The following PRND variants were observed in gnomAD, a reference collection of about 807,000 sequenced individuals.
The protein encoded by PRND is prion-like protein doppel.
For synonymous variants in PRND, 94 were observed against 93.2 expected (o/e 1.01, Z -0.05); for missense variants, 227 against 223.3 (o/e 1.02, Z -0.11).
chr20:4,722,692 G>T (rs577225169), intron 1 of PRND, among the ~76,000 whole-genome samples: 2 of 152,000 alleles, frequency 1.3e-5, no homozygotes, highest in African/African-American at 4.8e-5. Context: ...TGTGAGGGGC[G>T]AAACAAGCTC....
rs1282698588 is a variant in PRND, at chr20:4,727,556, C to G, written c.*2474C>G. On this transcript the variant is annotated 3_prime_UTR_variant, in exon 2 of 2. Coordinates refer to ENST00000305817, the MANE Select transcript of PRND (RefSeq NM_012409.4). ...TTTCGTAGCCCCTGCTAAGTGTTGA[C>G]TTTTTAAAATATAAGTTTATTGTAA... is the stretch of plus-strand genomic sequence containing the variant. The G allele has an allele frequency of 6.0e-6, 1 of 167,012 alleles. No homozygotes were observed. The highest frequency in any genetic ancestry group is 2.4e-5 in the African/African-American group (1 of 41,414). 10.3% of individuals were successfully genotyped at this position (167,012 alleles called of 1,614,324 possible). A position where few individuals can be genotyped will look rare whatever the true frequency, so the allele number is the denominator to read the frequency against.
At position 4,724,666 on chromosome 20, in the gene PRND, G is replaced by A; in HGVS notation, c.115G>A (p.Ala39Thr). 1 of 1,614,206 alleles carries A rather than the reference G, an allele frequency of 6.2e-7. No individual in the cohort carries two copies. The highest frequency in any genetic ancestry group is 8.5e-7 in the Non-Finnish European group (1 of 1,180,048). The change falls in exon 2 of 2, where the codon GCC (alanine) becomes ACC (threonine). Residue 39 changes from alanine (A) to threonine (T), a missense_variant. Ala to Thr is a moderately conservative substitution (Grantham distance 58). Coordinates refer to ENST00000305817, the MANE Select transcript of PRND (RefSeq NM_012409.4). This position sits in a 1 kb window ranked among gnomAD's most constrained non-coding sequence, Gnocchi z 4.8. Reference protein sequence around the residue: ...IKHRIKWNRKALPSTAQITEA... With the variant: ...IKHRIKWNRKTLPSTAQITEA... ...GCACAGAATCAAGTGGAACCGGAAG[G>A]CCCTGCCCAGCACTGCCCAGATCAC...
Position 4,725,219 on chromosome 20 carries a change from T to C in PRND, c.*137T>C, listed in dbSNP as rs2756262. On this transcript the variant is annotated 3_prime_UTR_variant, in exon 2 of 2. Transcript: ENST00000305817. ...TGCACTCGCACTGCAAATGCCGCTC[T>C]CACGTATGCGCCCTGGTATGTGCCT... 0.5 allele frequency: 534,777 copies of C among 1,078,974 alleles called. 135,070 individuals carry two copies. The highest frequency in any genetic ancestry group is 0.66 in the African/African-American group (40,909 of 62,174). The allele number at this position is 1,078,974 out of a possible 1,614,324, so 66.8% of individuals were successfully genotyped here. A position where few individuals can be genotyped will look rare whatever the true frequency, so the allele number is the denominator to read the frequency against.
Position 4,724,653 on chromosome 20 carries a change from G to A in PRND, c.102G>A (p.Lys34=), listed in dbSNP as rs779000126. The A allele has an allele frequency of 7.4e-6, 12 of 1,614,084 alleles. No individual in the cohort carries two copies. The African/African-American group carries it at 1.3e-4, about 18-fold the overall frequency. Residue 34 remains lysine, a synonymous_variant, in exon 2 of 2, where the codon AAG becomes AAA. Transcript: ENST00000305817. This position sits in a 1 kb window ranked among gnomAD's most constrained non-coding sequence, Gnocchi z 4.8. ...CGAGGGGCATCAAGCACAGAATCAAGTGGAACCGGAAGGCCCTGCCCAGCA... is the reference window on the plus strand; with the variant it reads ...CGAGGGGCATCAAGCACAGAATCAAATGGAACCGGAAGGCCCTGCCCAGCA... The part of the protein sequence containing the change: ...VQTRGIKHRI[K]WNRKALPSTA...
In PRND at chr20:4,724,464, TCTCCTG is replaced by T; in HGVS notation, c.-11-75_-11-70del. On this transcript the variant is annotated intron_variant, in intron 1 of 1. Transcript: ENST00000305817. The surrounding 1 kb of genome is among the most constrained non-coding windows in gnomAD (Gnocchi z 4.8). ...CAAGGATGCGATTCCTTCCTTAAAA[TCTCCTG>T]CACTTGGGAGGGGGCAGGGGAGCCC... 6.4e-7 allele frequency: 1 copy of T among 1,551,748 alleles called. No individual in the cohort carries two copies.
In PRND at chr20:4,728,388, G is replaced by A. The variant is rs1042177705; in HGVS notation, c.*3306G>A. 3.6e-5 allele frequency: 6 copies of A among 167,014 alleles called. No individual in the cohort carries two copies. Among genetic ancestry groups the A allele is most frequent in the Non-Finnish European group, 8.8e-5 (6 of 68,110 alleles). 10.3% of individuals were successfully genotyped at this position (167,014 alleles called of 1,614,324 possible). On this transcript the variant is annotated 3_prime_UTR_variant, in exon 2 of 2. Transcript: ENST00000305817. Reference sequence around the variant, plus strand: ...ATGTATCATGATTGATTGAATCATTGCCTTGTTGATGGGCCTTCAGATTAT... The same window carrying A: ...ATGTATCATGATTGATTGAATCATTACCTTGTTGATGGGCCTTCAGATTAT...
chr20:4,726,626 C>G lies in PRND; in HGVS notation c.*1544C>G, dbSNP rs1245984493. The G allele has an allele frequency of 6.0e-6, 1 of 167,088 alleles. No individual in the cohort carries two copies. The highest frequency in any genetic ancestry group is 2.4e-5 in the African/African-American group (1 of 41,444). The allele number at this position is 167,088 out of a possible 1,614,324, so 10.4% of individuals were successfully genotyped here. ...GCTCCAGGCCACTCTCAGAGACTCC[C>G]AGGAGTTGTTGAACTATATTTGGAG... is the stretch of plus-strand genomic sequence containing the variant. On this transcript the variant is annotated 3_prime_UTR_variant, in exon 2 of 2. Coordinates refer to ENST00000305817, the MANE Select transcript of PRND (RefSeq NM_012409.4).
chr20:4,722,436 G>T (rs1923129654), intron 1 of PRND, among the ~76,000 whole-genome samples: 1 of 151,830 alleles, frequency 6.6e-6, no homozygotes, highest in Non-Finnish European at 1.5e-5. Flanking sequence ...GAGAGAGTGG[G>T]GTGAGGGGGT....
Position 4,728,185 on chromosome 20 carries a change from C to T in PRND, c.*3103C>T, listed in dbSNP as rs1393779447. On this transcript the variant is annotated 3_prime_UTR_variant, in exon 2 of 2. Transcript: ENST00000305817. ...TCCACCTTAACTGTGCTCAGATACA[C>T]AAGTGAGGGCTTTTTAACTTGATTA... is the stretch of plus-strand genomic sequence containing the variant. 2.4e-5 allele frequency: 4 copies of T among 166,822 alleles called. No individual in the cohort carries two copies. The highest frequency in any genetic ancestry group is 1.3e-4 in the Admixed American group (2 of 15,238). 10.3% of individuals were successfully genotyped at this position (166,822 alleles called of 1,614,324 possible). A position where few individuals can be genotyped will look rare whatever the true frequency, so the allele number is the denominator to read the frequency against.
intron 1 of PRND, among the ~76,000 whole-genome samples, chr20:4,722,877 T>C (rs939770282): frequency 6.6e-6 from 1 of 152,144 alleles, no homozygotes; most frequent in African/African-American, 2.4e-5. Flanking sequence ...ATTTCCTTGA[T>C]GGCTATTGTA....
rs1923231864 is a variant in PRND at position 4,725,302 on chromosome 20, A to G, written c.*220A>G. ...CGTCACTCCATTCTCAGCCCCTAGC[A>G]GAGCGTCTGGCACACTAGATTAGTA... is the stretch of plus-strand genomic sequence containing the variant. On this transcript the variant is annotated 3_prime_UTR_variant, in exon 2 of 2. Coordinates refer to ENST00000305817, the MANE Select transcript of PRND (RefSeq NM_012409.4). 1.0e-5 allele frequency: 6 copies of G among 600,430 alleles called. No homozygotes were observed. Among genetic ancestry groups the G allele is most frequent in the Non-Finnish European group, 1.5e-5 (5 of 336,044 alleles). The allele number at this position is 600,430 out of a possible 1,614,324, so 37.2% of individuals were successfully genotyped here.
Position 4,725,298 on chromosome 20 carries a change from T to TTTTTCA in PRND, c.*216_*217insTTTTCA. ...TCTCCGTCACTCCATTCTCAGCCCC[T>TTTTTCA]AGCAGAGCGTCTGGCACACTAGATT... On this transcript the variant is annotated 3_prime_UTR_variant, in exon 2 of 2. Transcript: ENST00000305817. The TTTTTCA allele has an allele frequency of 1.6e-6, 1 of 606,898 alleles. No homozygotes were observed. Among genetic ancestry groups the TTTTTCA allele is most frequent in the Non-Finnish European group, 2.9e-6 (1 of 340,392 alleles). The allele number at this position is 606,898 out of a possible 1,614,324, so 37.6% of individuals were successfully genotyped here. A position where few individuals can be genotyped will look rare whatever the true frequency, so the allele number is the denominator to read the frequency against.
At chr20:4,722,908 C>T (rs1383905405) in intron 1 of PRND, among the ~76,000 whole-genome samples, 1 of 151,784 alleles carries the variant, frequency 6.6e-6, no homozygotes, top group Non-Finnish European at 1.5e-5. Context: ...CCGAATGTGA[C>T]AGGCAACCTT....
At chr20:4,722,936 G>C (rs1444868107) in intron 1 of PRND, among the ~76,000 whole-genome samples, 2 of 152,200 alleles carry the variant, frequency 1.3e-5, no homozygotes, top group Non-Finnish European at 2.9e-5. Flanking sequence ...GGGGTGAGGG[G>C]CTTTTCCATG....
At chr20:4,721,995 C>T (rs1277808284) in intron 1 of PRND, 26 bp downstream of exon 1, 1 of 152,236 alleles carries the variant, frequency 6.6e-6, no homozygotes, top group Non-Finnish European at 1.5e-5. Flanking sequence ...CTTCTGTGGT[C>T]AGGACTGCTG....
chr20:4,723,938 A>ATGTGTGTGTGTG (rs78289429), intron 1 of PRND, among the ~76,000 whole-genome samples: 3 of 146,212 alleles, frequency 2.1e-5, no homozygotes, highest in African/African-American at 7.6e-5. Context: ...TCTCTAAAAT[A>ATGTGTGTGTGTG]TGTGTGTGTG....
rs1923272050 is a variant in PRND, at chr20:4,726,480, AAGC to A, written c.*1401_*1403del. ...CAATAAAGAATGCAATCCATGCCAT[AAGC>A]AGGAGTTGATACACCACCTTATTAG... On this transcript the variant is annotated 3_prime_UTR_variant, in exon 2 of 2. Coordinates refer to ENST00000305817, the MANE Select transcript of PRND (RefSeq NM_012409.4). The A allele has an allele frequency of 6.0e-6, 1 of 167,110 alleles. No individual in the cohort carries two copies. The highest frequency in any genetic ancestry group is 1.5e-5 in the Non-Finnish European group (1 of 68,130). The allele number at this position is 167,110 out of a possible 1,614,324, so 10.4% of individuals were successfully genotyped here. A position where few individuals can be genotyped will look rare whatever the true frequency, so the allele number is the denominator to read the frequency against.
rs1923303264 is a variant in PRND, at chr20:4,727,363, A to G, written c.*2281A>G. The G allele has an allele frequency of 6.0e-6, 1 of 167,068 alleles. No individual in the cohort carries two copies. Among genetic ancestry groups the G allele is most frequent in the Admixed American group, 6.5e-5 (1 of 15,282 alleles). The allele number at this position is 167,068 out of a possible 1,614,324, so 10.3% of individuals were successfully genotyped here. On this transcript the variant is annotated 3_prime_UTR_variant, in exon 2 of 2. Coordinates refer to ENST00000305817, the MANE Select transcript of PRND (RefSeq NM_012409.4). ...TAATCGAACGCGTGTGTGCCTGAACATTCTTGCTCAAGTTGATGAATCATG... is the reference window on the plus strand; with the variant it reads ...TAATCGAACGCGTGTGTGCCTGAACGTTCTTGCTCAAGTTGATGAATCATG...
In PRND at chr20:4,726,846, G is replaced by A. The variant is rs941193196; in HGVS notation, c.*1764G>A. On this transcript the variant is annotated 3_prime_UTR_variant, in exon 2 of 2. Coordinates refer to ENST00000305817, the MANE Select transcript of PRND (RefSeq NM_012409.4). ...GAAGGTTTTAACATTGAAAGTGAGCGGAGGACTTGGGGGCAGAGCAGCACA... is the reference window on the plus strand; with the variant it reads ...GAAGGTTTTAACATTGAAAGTGAGCAGAGGACTTGGGGGCAGAGCAGCACA... The A allele has an allele frequency of 6.6e-5, 11 of 167,208 alleles. No individual in the cohort carries two copies. In the East Asian group the frequency reaches 9.6e-4, roughly 15 times the overall value. 10.4% of individuals were successfully genotyped at this position (167,208 alleles called of 1,614,324 possible). A position where few individuals can be genotyped will look rare whatever the true frequency, so the allele number is the denominator to read the frequency against.
Sources: gnomAD v4.1 joint callset for allele counts (sites outside exome capture counted in the v4.1 genomes callset) on GRCh38, gnomAD v4.1.1 for gene constraint, Gnocchi (gnomAD v3.1) non-coding constraint, MANE v1.5 for transcripts, NCBI Gene and HGNC (gene_info 2026-07-23, HGNC 2026-07-21) for gene names.